The following ADAM23 variants were observed in gnomAD, a reference collection of about 807,000 sequenced individuals.
The protein encoded by ADAM23 is disintegrin and metalloproteinase domain-containing protein 23.
ADAM23 carries 33 observed loss-of-function variants against 120.1 expected under a neutral mutation model. The observed-to-expected ratio is 0.27, with a 90% CI of 0.21 to 0.37. The LOEUF (loss-of-function observed/expected upper bound fraction) is 0.37. ADAM23 is among the 10% of genes least tolerant of loss of function. The probability of loss-of-function intolerance (pLI) is 1.00; values close to 1 mark genes in which losing one functional copy is unlikely to be tolerated. For missense variants in ADAM23, 862 were observed against 1,058.2 expected (o/e 0.81, Z 2.57); for synonymous variants, 367 against 375.2 (o/e 0.98, Z 0.25).
At chr2:206,602,383 CAGTA>C (rs1328950177) in intron 24 of ADAM23, among the ~76,000 whole-genome samples, 1 of 151,980 alleles carries the variant, frequency 6.6e-6, no homozygotes, top group East Asian at 1.9e-4. Context: ...TTATGGAAAA[CAGTA>C]AGGAGATCTG....
In ADAM23 at chr2:206,557,466, T is replaced by C. The variant is rs1263907841; in HGVS notation, c.973T>C (p.Phe325Leu). 6.2e-7 allele frequency: 1 copy of C among 1,614,002 alleles called. No homozygotes were observed. Among genetic ancestry groups the C allele is most frequent in the South Asian group, 1.1e-5 (1 of 91,070 alleles). ...HRSSHAHTNN[F>L]AKSVVNLVDS... ...CTCTTCTCATGCACATACCAACAACTTTGCAAAGTCCGTGGTCAACCTTGT... is the reference window on the plus strand; with the variant it reads ...CTCTTCTCATGCACATACCAACAACCTTGCAAAGTCCGTGGTCAACCTTGT... The change falls in exon 10 of 26, where the codon TTT becomes CTT. Residue 325 changes from phenylalanine to leucine, a missense_variant. Phe to Leu is a conservative substitution (Grantham distance 22). Transcript: ENST00000264377.
At chr2:206,543,103 C>A (rs934133450) in intron 5 of ADAM23, 150 bp from the exon 6 acceptor site, 12 of 665,076 alleles carry the variant, frequency 1.8e-5, no homozygotes, top group Non-Finnish European at 3.2e-5. Flanking sequence ...GGACTCCATG[C>A]AGATATGTGA....
At chr2:206,519,888 C>T in intron 3 of ADAM23, among the ~76,000 whole-genome samples, 1 of 151,942 alleles carries the variant, frequency 6.6e-6, no homozygotes, top group East Asian at 1.9e-4. Flanking sequence ...GTGGCACATG[C>T]CTGTGGTTCC....
intron 3 of ADAM23, among the ~76,000 whole-genome samples, chr2:206,484,560 T>C (rs924529803): frequency 1.3e-4 from 20 of 152,280 alleles, no homozygotes; most frequent in African/African-American, 4.6e-4. Flanking sequence ...TAGGCAAAGC[T>C]CTTTGAATAC....
At chr2:206,503,830 A>G (rs1559237594) in intron 3 of ADAM23, among the ~76,000 whole-genome samples, 1 of 152,208 alleles carries the variant, frequency 6.6e-6, no homozygotes, top group Non-Finnish European at 1.5e-5. Flanking sequence ...TCATGGAAGC[A>G]TTAAGTAAGG....
intron 25 of ADAM23, among the ~76,000 whole-genome samples, chr2:206,613,142 C>T (rs1008939982): frequency 6.6e-6 from 1 of 152,128 alleles, no homozygotes; most frequent in East Asian, 1.9e-4. Context: ...TCACCGCAAC[C>T]TCCGCCTCCC....
At chr2:206,503,362 T>G (rs1283215255) in intron 3 of ADAM23, among the ~76,000 whole-genome samples, 1 of 152,012 alleles carries the variant, frequency 6.6e-6, no homozygotes, top group Non-Finnish European at 1.5e-5. Context: ...GGAGAGGAGA[T>G]AATGAAGTGA....
intron 13 of ADAM23, among the ~76,000 whole-genome samples, chr2:206,564,314 C>T (rs564257606): frequency 2.0e-5 from 3 of 152,054 alleles, no homozygotes; most frequent in African/African-American, 4.8e-5. Flanking sequence ...TTTCTGGTAT[C>T]GAAGTTAAGT....
chr2:206,620,572 G>C lies in ADAM23; in HGVS notation c.*2945G>C, dbSNP rs544629177. 1.3e-5 allele frequency: 2 copies of C among 152,192 alleles called. No individual in the cohort carries two copies. Among genetic ancestry groups the C allele is most frequent in the South Asian group, 2.1e-4 (1 of 4,824 alleles). 9.4% of individuals were successfully genotyped at this position (152,192 alleles called of 1,614,324 possible). ...GAGCTCACAGCACAAGTGTATCACT[G>C]TTTAATGTTACCCAACAAGAGTTAG... is the stretch of plus-strand genomic sequence containing the variant. On this transcript the variant is annotated 3_prime_UTR_variant, in exon 26 of 26. Coordinates refer to ENST00000264377, the MANE Select transcript of ADAM23 (RefSeq NM_003812.4).
intron 21 of ADAM23, among the ~76,000 whole-genome samples, chr2:206,591,167 A>AT (rs552687578): frequency 7.3e-5 from 11 of 149,842 alleles, no homozygotes; most frequent in African/African-American, 1.5e-4. Flanking sequence ...CCTCATCTCT[A>AT]TTTTTTTTTT....
At chr2:206,567,553 C>G (rs913860751) in intron 15 of ADAM23, among the ~76,000 whole-genome samples, 1 of 152,152 alleles carries the variant, frequency 6.6e-6, no homozygotes. Flanking sequence ...AGCTAGAACT[C>G]CCAAATCCTC....
intron 3 of ADAM23, among the ~76,000 whole-genome samples, chr2:206,511,449 T>C (rs1357157039): frequency 6.6e-6 from 1 of 152,094 alleles, no homozygotes; most frequent in Non-Finnish European, 1.5e-5. Context: ...GGAGAGCCAG[T>C]GGGGACAGGG....
chr2:206,553,733 T>G (rs1399745891), intron 9 of ADAM23, among the ~76,000 whole-genome samples: 1 of 152,190 alleles, frequency 6.6e-6, no homozygotes, highest in African/African-American at 2.4e-5. Flanking sequence ...TGGATCAAAG[T>G]ACTTAAATTC....
At chr2:206,525,713 T>C (rs1054406203) in intron 3 of ADAM23, among the ~76,000 whole-genome samples, 3 of 152,046 alleles carry the variant, frequency 2.0e-5, no homozygotes, top group African/African-American at 7.2e-5. Flanking sequence ...TGCCTCAGCC[T>C]CCTGAGTAGC....
At chr2:206,578,494 A>G (rs537815899) in intron 18 of ADAM23, among the ~76,000 whole-genome samples, 1 of 151,742 alleles carries the variant, frequency 6.6e-6, no homozygotes, top group Admixed American at 6.6e-5. Context: ...AATAGTCTCC[A>G]CTCTCATCCA....
chr2:206,448,004 A>G (rs2105847360), intron 2 of ADAM23, among the ~76,000 whole-genome samples: 1 of 152,368 alleles, frequency 6.6e-6, no homozygotes, highest in Admixed American at 6.5e-5. Flanking sequence ...CTCTTCCAGA[A>G]TTGGTGAGTG....
chr2:206,445,471 A>T lies in ADAM23; in HGVS notation c.379A>T (p.Ser127Cys). Residue 127 changes from serine to cysteine, a missense_variant, in exon 2 of 26, where the codon AGC becomes TGC. Physicochemically the swap from Ser to Cys is moderately radical, Grantham distance 112 (BLOSUM62 -1). Coordinates refer to ENST00000264377, the MANE Select transcript of ADAM23 (RefSeq NM_003812.4). ...ATATTACATCAACCAAGACTCGGAA[A>T]GCCCTTATCACGTTCTTGACACAAA... ...LIYYINQDSE[S>C]PYHVLDTKAR... The T allele has an allele frequency of 6.2e-7, 1 of 1,614,194 alleles. No homozygotes were observed.
chr2:206,522,635 A>G (rs1574511529), intron 3 of ADAM23, among the ~76,000 whole-genome samples: 1 of 152,256 alleles, frequency 6.6e-6, no homozygotes, highest in East Asian at 1.9e-4. Context: ...CTTGCTTTAT[A>G]GTTATGTTAA....
At chr2:206,550,230 G>A in intron 9 of ADAM23, 70 bp downstream of exon 9, 1 of 933,498 alleles carries the variant, frequency 1.1e-6, no homozygotes, top group South Asian at 2.3e-5. Flanking sequence ...TTACTTTATA[G>A]TTAATCATTA....
Sources: gnomAD v4.1 joint callset for allele counts (sites outside exome capture counted in the v4.1 genomes callset) on GRCh38, gnomAD v4.1.1 for gene constraint, MANE v1.5 for transcripts, NCBI Gene and HGNC (gene_info 2026-07-23, HGNC 2026-07-21) for gene names.